Variants in NAALADL2 observed in about 807,000 individuals in gnomAD.
The protein encoded by NAALADL2 is N-acetylated alpha-linked acidic dipeptidase like 2, also known as inactive N-acetylated-alpha-linked acidic dipeptidase-like protein 2.
A neutral mutation model predicts 87.2 loss-of-function variants in NAALADL2; 76 were observed. That is an observed-to-expected ratio of 0.87 (90% confidence interval 0.72 to 1.05). The LOEUF (loss-of-function observed/expected upper bound fraction) is 1.05. Among genes scored for constraint, NAALADL2 ranks in the 50% least tolerant of loss-of-function variants. The pLI, the probability that NAALADL2 is intolerant of heterozygous loss-of-function variation, is 0.00. For synonymous variants in NAALADL2, 354 were observed against 331.0 expected, an observed-to-expected ratio of 1.07 and a Z score of -0.75; for missense variants, 1,089 against 945.8, an observed-to-expected ratio of 1.15 and a Z score of -1.99.
At chr3:174,907,723 G>A (rs949772054) in intron 1 of NAALADL2, among the ~76,000 whole-genome samples, 6 of 152,032 alleles carry the variant, frequency 3.9e-5, no homozygotes, top group Non-Finnish European at 5.9e-5. Flanking sequence ...GTGTTCATTA[G>A]TAACATAATT....
intron 1 of NAALADL2, among the ~76,000 whole-genome samples, chr3:174,960,342 G>T (rs1254124997): frequency 6.6e-6 from 1 of 151,934 alleles, no homozygotes; most frequent in African/African-American, 2.4e-5. Context: ...CCTTTTTCTG[G>T]AAACACTTTC....
intron 1 of NAALADL2, among the ~76,000 whole-genome samples, chr3:174,984,466 G>T (rs1745556153): frequency 6.6e-6 from 1 of 151,918 alleles, no homozygotes; most frequent in Non-Finnish European, 1.5e-5. Flanking sequence ...CTGAAAGCAT[G>T]GTTCTAGTAA....
intron 1 of NAALADL2, among the ~76,000 whole-genome samples, chr3:175,015,969 T>G (rs1211968918): frequency 6.6e-6 from 1 of 151,722 alleles, no homozygotes; most frequent in Non-Finnish European, 1.5e-5. Context: ...TCTAATTATT[T>G]TTCTACTGTT....
chr3:175,548,142 T>C (rs1448294223), intron 9 of NAALADL2, among the ~76,000 whole-genome samples: 1 of 151,966 alleles, frequency 6.6e-6, no homozygotes, highest in African/African-American at 2.4e-5. Context: ...CAAAGACATG[T>C]AATCAACCTA....
chr3:175,569,769 T>G (rs1717745549), intron 9 of NAALADL2, among the ~76,000 whole-genome samples: 2 of 152,044 alleles, frequency 1.3e-5, no homozygotes, highest in Non-Finnish European at 2.9e-5. Context: ...AATACATTTC[T>G]GTTGTTTAAG....
intron 3 of NAALADL2, among the ~76,000 whole-genome samples, chr3:174,830,310 G>A (rs1206784137): frequency 6.6e-6 from 1 of 151,516 alleles, no homozygotes; most frequent in Non-Finnish European, 1.5e-5. Context: ...GTAAGGAAGG[G>A]ATCCAGTTTC....
intron 1 of NAALADL2, chr3:174,513,502 T>C (rs1276476041): frequency 6.6e-6 from 1 of 152,220 alleles, no homozygotes; most frequent in African/African-American, 2.4e-5. Context: ...TCTGTTTGTT[T>C]CCAAAGATTG....
intron 3 of NAALADL2, among the ~76,000 whole-genome samples, chr3:174,833,602 C>A (rs1579121425): frequency 6.6e-6 from 1 of 151,912 alleles, no homozygotes; most frequent in East Asian, 1.9e-4. Flanking sequence ...TAAAAAACTT[C>A]CAGAAAAAAA....
intron 1 of NAALADL2, among the ~76,000 whole-genome samples, chr3:175,086,220 T>G (rs1195399912): frequency 1.3e-5 from 2 of 152,210 alleles, no homozygotes; most frequent in Non-Finnish European, 2.9e-5. Context: ...CTTTATAGTT[T>G]ACAATATATC....
chr3:174,973,305 C>T (rs1743939166), intron 1 of NAALADL2, among the ~76,000 whole-genome samples: 1 of 151,974 alleles, frequency 6.6e-6, no homozygotes, highest in Non-Finnish European at 1.5e-5. Flanking sequence ...ATGAGTGAAA[C>T]AATTATTTTT....
intron 13 of NAALADL2, among the ~76,000 whole-genome samples, chr3:175,780,241 A>C (rs959023546): frequency 5.3e-5 from 8 of 151,362 alleles, no homozygotes; most frequent in African/African-American, 1.9e-4. Flanking sequence ...GCGCCACTGC[A>C]CTCCAGCCTG....
intron 3 of NAALADL2, among the ~76,000 whole-genome samples, chr3:174,766,947 C>T (rs543576242): frequency 2.0e-5 from 3 of 152,294 alleles, no homozygotes; most frequent in Admixed American, 6.5e-5. Flanking sequence ...TTGTGCCCTA[C>T]ACAATTCCTG....
At chr3:174,737,390 T>C (rs1448236490) in intron 2 of NAALADL2, among the ~76,000 whole-genome samples, 1 of 152,174 alleles carries the variant, frequency 6.6e-6, no homozygotes, top group Non-Finnish European at 1.5e-5. Context: ...CATGGAAAAA[T>C]GAAATCAAGG....
chr3:175,007,085 A>G (rs1749132803), intron 1 of NAALADL2, among the ~76,000 whole-genome samples: 1 of 151,086 alleles, frequency 6.6e-6, no homozygotes, highest in African/African-American at 2.4e-5. Flanking sequence ...TGCAAATTAA[A>G]CATTCTGTGA....
At chr3:175,497,119 G>A (rs1411383056) in intron 9 of NAALADL2, among the ~76,000 whole-genome samples, 1 of 151,746 alleles carries the variant, frequency 6.6e-6, no homozygotes, top group African/African-American at 2.4e-5. Context: ...TATTCCCTAG[G>A]CTGGAGTGCA....
chr3:175,557,746 C>G (rs1715523681), intron 9 of NAALADL2, among the ~76,000 whole-genome samples: 1 of 152,126 alleles, frequency 6.6e-6, no homozygotes, highest in African/African-American at 2.4e-5. Context: ...ACTTCCTTGC[C>G]AGCATTTGTT....
At chr3:174,643,569 G>A (rs912995392) in intron 2 of NAALADL2, among the ~76,000 whole-genome samples, 2 of 151,984 alleles carry the variant, frequency 1.3e-5, no homozygotes, top group East Asian at 1.9e-4. Flanking sequence ...CAGGAGAATC[G>A]CTTAAACCTG....
chr3:174,967,214 T>C (rs1016690631), intron 1 of NAALADL2, among the ~76,000 whole-genome samples: 3 of 152,076 alleles, frequency 2.0e-5, no homozygotes, highest in African/African-American at 7.2e-5. Context: ...AGTAAAGATC[T>C]ACTGAGATAG....
intron 11 of NAALADL2, among the ~76,000 whole-genome samples, chr3:175,727,475 A>G (rs191223968): frequency 2.0e-5 from 3 of 152,276 alleles, no homozygotes; most frequent in African/African-American, 7.2e-5. Context: ...GGGGAACTAT[A>G]TATTCCAAAT....
Sources: allele counts gnomAD v4.1 joint callset (sites outside exome capture counted in the v4.1 genomes callset), GRCh38; gene constraint gnomAD v4.1.1; transcripts MANE v1.5; gene names NCBI Gene and HGNC (gene_info 2026-07-23, HGNC 2026-07-21).